Variants in GPC5 observed in about 807,000 individuals in gnomAD.
The protein encoded by GPC5 is glypican 5, also known as glypican-5.
In GPC5, 47 loss-of-function variants were observed where a neutral mutation model predicts 53.9. That is an observed-to-expected ratio of 0.87 (90% CI 0.69 to 1.11). The LOEUF (loss-of-function observed/expected upper bound fraction) is 1.11, where lower values mean the gene tolerates loss of function less well. Among genes scored for constraint, GPC5 ranks in the 50% most tolerant of loss-of-function variants. GPC5 has a pLI of 0.00. For synonymous variants in GPC5, 286 were observed against 263.3 expected (o/e 1.09, Z -0.84); for missense variants, 748 against 713.1 (o/e 1.05, Z -0.56).
chr13:92,368,775 A>G (rs1482947512), intron 7 of GPC5, among the ~76,000 whole-genome samples: 2 of 152,112 alleles, frequency 1.3e-5, no homozygotes, highest in African/African-American at 4.8e-5. Flanking sequence ...CTGCTGTAAA[A>G]GATTGTATTA....
At chr13:92,386,326 C>T (rs895500428) in intron 7 of GPC5, among the ~76,000 whole-genome samples, 8 of 151,908 alleles carry the variant, frequency 5.3e-5, no homozygotes, top group Non-Finnish European at 7.4e-5. Flanking sequence ...CAAAGCAATC[C>T]TAATCATATC....
chr13:92,380,028 C>G (rs2043726466), intron 7 of GPC5, among the ~76,000 whole-genome samples: 1 of 152,212 alleles, frequency 6.6e-6, no homozygotes, highest in South Asian at 2.1e-4. Flanking sequence ...ATGGTAAAAA[C>G]CACAATTACT....
intron 7 of GPC5, among the ~76,000 whole-genome samples, chr13:92,167,989 C>T (rs1422212953): frequency 6.6e-6 from 1 of 152,080 alleles, no homozygotes; most frequent in African/African-American, 2.4e-5. Flanking sequence ...CCTTCCATAA[C>T]TGAGGGCAAG....
chr13:91,842,202 G>A (rs1332279863), intron 5 of GPC5, among the ~76,000 whole-genome samples: 1 of 151,694 alleles, frequency 6.6e-6, no homozygotes, highest in Non-Finnish European at 1.5e-5. Context: ...TAGAAACAAG[G>A]CAATTCATTT....
intron 7 of GPC5, among the ~76,000 whole-genome samples, chr13:92,397,989 G>T (rs1875363294): frequency 6.6e-6 from 1 of 152,094 alleles, no homozygotes; most frequent in South Asian, 2.1e-4. Context: ...TAGTTGTTCA[G>T]GGCAGAGTGA....
chr13:92,566,607 A>G (rs1485800392), intron 7 of GPC5, among the ~76,000 whole-genome samples: 1 of 152,118 alleles, frequency 6.6e-6, no homozygotes, highest in Non-Finnish European at 1.5e-5. Context: ...AACACATTTT[A>G]GCTTTTTCTT....
chr13:92,453,950 C>T (rs911591448), intron 7 of GPC5, among the ~76,000 whole-genome samples: 13 of 152,146 alleles, frequency 8.5e-5, no homozygotes, highest in African/African-American at 2.9e-4. Flanking sequence ...AAATAGCACG[C>T]AAAATGTCTG....
chr13:91,709,301 T>G (rs73607079), intron 3 of GPC5, among the ~76,000 whole-genome samples: 1 of 152,326 alleles, frequency 6.6e-6, no homozygotes, highest in East Asian at 1.9e-4. Flanking sequence ...GGTTTTTATT[T>G]ACCTTAGAAT....
At chr13:91,907,110 T>G (rs1252879755) in intron 5 of GPC5, among the ~76,000 whole-genome samples, 7 of 149,454 alleles carry the variant, frequency 4.7e-5, no homozygotes, top group Non-Finnish European at 8.9e-5. Context: ...TAATTTTATT[T>G]TTCAAAAATA....
At chr13:92,006,915 G>C (rs769776388) in intron 6 of GPC5, among the ~76,000 whole-genome samples, 1 of 150,342 alleles carries the variant, frequency 6.7e-6, no homozygotes, top group Non-Finnish European at 1.5e-5. Context: ...GTACATTTTT[G>C]TAATGTTGTA....
intron 7 of GPC5, among the ~76,000 whole-genome samples, chr13:92,254,803 T>C (rs546777041): frequency 2.6e-4 from 39 of 151,990 alleles, no homozygotes; most frequent in Non-Finnish European, 5.4e-4. Context: ...GAGAACCCAC[T>C]CAGTATCACA....
chr13:92,010,262 C>A (rs777692654), intron 6 of GPC5, among the ~76,000 whole-genome samples: 2 of 152,110 alleles, frequency 1.3e-5, no homozygotes, highest in African/African-American at 4.8e-5. Flanking sequence ...TTATTTTCTG[C>A]TCTCCCCCAG....
At chr13:92,144,324 T>C (rs570304721) in intron 6 of GPC5, among the ~76,000 whole-genome samples, 4 of 152,342 alleles carry the variant, frequency 2.6e-5, no homozygotes, top group African/African-American at 7.2e-5. Flanking sequence ...ACTGTGTATT[T>C]GATCCAAGAA....
chr13:92,560,596 A>AGTAT (rs1882661341), intron 7 of GPC5, among the ~76,000 whole-genome samples: 1 of 152,008 alleles, frequency 6.6e-6, no homozygotes, highest in East Asian at 1.9e-4. Flanking sequence ...CCCGGCATAT[A>AGTAT]CATTGGCAAC....
intron 6 of GPC5, among the ~76,000 whole-genome samples, chr13:92,126,912 C>T (rs1566446812): frequency 6.6e-6 from 1 of 151,860 alleles, no homozygotes; most frequent in Admixed American, 6.6e-5. Context: ...AGGAGGCAGT[C>T]GTGCTTAGAT....
At chr13:92,546,769 G>A (rs1313318376) in intron 7 of GPC5, among the ~76,000 whole-genome samples, 1 of 152,066 alleles carries the variant, frequency 6.6e-6, no homozygotes, top group Admixed American at 6.6e-5. Flanking sequence ...TTCAAACTAT[G>A]CTACAAGGCT....
At chr13:92,512,247 T>C (rs868232622) in intron 7 of GPC5, among the ~76,000 whole-genome samples, 4 of 129,624 alleles carry the variant, frequency 3.1e-5, no homozygotes, top group African/African-American at 1.1e-4. Flanking sequence ...TGTGTGTGTG[T>C]GTGCGCGCGC....
intron 1 of GPC5, among the ~76,000 whole-genome samples, chr13:91,424,902 T>G (rs148879556): frequency 1.1e-3 from 160 of 152,274 alleles, no homozygotes; most frequent in African/African-American, 3.8e-3. Context: ...AGGTACTAAT[T>G]AAAAATGTTG....
intron 7 of GPC5, among the ~76,000 whole-genome samples, chr13:92,300,503 C>G (rs77236651): frequency 3.3e-4 from 51 of 152,254 alleles, no homozygotes; most frequent in African/African-American, 1.2e-3. Flanking sequence ...CTATGCTAAC[C>G]TAACACATGA....
Sources: allele counts gnomAD v4.1 joint callset (sites outside exome capture counted in the v4.1 genomes callset), GRCh38; gene constraint gnomAD v4.1.1; transcripts MANE v1.5; gene names NCBI Gene and HGNC (gene_info 2026-07-23, HGNC 2026-07-21).